The following ANKS3 variants were observed in gnomAD, a reference collection of about 807,000 sequenced individuals.
ANKS3 encodes the protein ankyrin repeat and sterile alpha motif domain containing 3, also known as ankyrin repeat and SAM domain-containing protein 3.
Under a neutral mutation model 80.7 loss-of-function variants are expected in ANKS3, and 62 were observed. The observed-to-expected ratio is 0.77, with a 90% CI of 0.63 to 0.95. The LOEUF (loss-of-function observed/expected upper bound fraction) is 0.95, where lower values mean the gene tolerates loss of function less well. ANKS3 is among the 40% of genes least tolerant of loss of function. The pLI is 0.00. For synonymous variants in ANKS3, 489 were observed against 355.3 expected, an observed-to-expected ratio of 1.38 and a Z score of -4.23; for missense variants, 1,150 against 883.6, an observed-to-expected ratio of 1.30 and a Z score of -3.82.
chr16:4,723,201 A>G (rs1461441755), intron 6 of ANKS3, among the ~76,000 whole-genome samples: 1 of 152,170 alleles, frequency 6.6e-6, no homozygotes, highest in African/African-American at 2.4e-5. Context: ...CCCACTTACA[A>G]TGTACAATTC....
intron 2 of ANKS3, among the ~76,000 whole-genome samples, chr16:4,730,507 T>C (rs9926003): frequency 6.6e-6 from 1 of 152,104 alleles, no homozygotes; most frequent in Non-Finnish European, 1.5e-5. Context: ...AAATGCTAAT[T>C]GGGTTGTTTA....
chr16:4,731,708 G>T, intron 1 of ANKS3, 129 bp from the exon 2 acceptor site: 1 of 339,774 alleles, frequency 2.9e-6, no homozygotes, highest in Non-Finnish European at 4.2e-6. Context: ...GGATGTGACT[G>T]GTGGCACGCA....
intron 9 of ANKS3, 111 bp from the exon 10 acceptor site, chr16:4,701,654 G>T: frequency 2.2e-6 from 2 of 894,496 alleles, no homozygotes; most frequent in Non-Finnish European, 3.3e-6. Context: ...GCCTGCAGCG[G>T]TTGCTTCCTT....
chr16:4,696,542 TGGCATTTTCCA>T lies in ANKS3; in HGVS notation c.*355_*365del, dbSNP rs1419871339. The T allele has an allele frequency of 5.8e-6, 1 of 171,710 alleles. No individual in the cohort carries two copies. Among genetic ancestry groups the T allele is most frequent in the African/African-American group, 2.4e-5 (1 of 41,822 alleles). The allele number at this position is 171,710 out of a possible 1,614,324, so 10.6% of individuals were successfully genotyped here. On this transcript the variant is annotated 3_prime_UTR_variant, in exon 18 of 18. Coordinates refer to ENST00000304283, the MANE Select transcript of ANKS3 (RefSeq NM_133450.4). ...TTCTTAAATTTTATTTTCCAAAAAA[TGGCATTTTCCA>T]GGTGCCCCAGTCCTCATTCCTAAGG...
chr16:4,699,219 G>A (rs201909337), intron 11 of ANKS3, 43 bp from the exon 12 acceptor site: 30 of 1,605,160 alleles, frequency 1.9e-5, no homozygotes, highest in East Asian at 1.8e-4. Context: ...AGTGGCTGAC[G>A]ACGAAGCAGA....
At chr16:4,705,296 G>C in intron 7 of ANKS3, 43 bp from the exon 8 acceptor site, 1 of 1,597,204 alleles carries the variant, frequency 6.3e-7, no homozygotes, top group Non-Finnish European at 8.5e-7. Flanking sequence ...TTCAGTAATG[G>C]ACTCATTTAC....
intron 6 of ANKS3, 148 bp downstream of exon 6, chr16:4,724,602 C>T (rs779404023): frequency 1.7e-5 from 12 of 713,624 alleles, no homozygotes; most frequent in South Asian, 3.8e-5. Context: ...CACTCAACAC[C>T]GGGCGTCAAT....
intron 6 of ANKS3, among the ~76,000 whole-genome samples, chr16:4,718,010 G>A (rs935001628): frequency 6.6e-6 from 1 of 151,986 alleles, no homozygotes; most frequent in African/African-American, 2.4e-5. Flanking sequence ...CCTGACCTCA[G>A]GTGATCCACC....
chr16:4,709,017 G>A (rs908121576), intron 7 of ANKS3, among the ~76,000 whole-genome samples: 1 of 152,006 alleles, frequency 6.6e-6, no homozygotes, highest in Non-Finnish European at 1.5e-5. Flanking sequence ...TATAATCTCA[G>A]CACTGTGGGA....
intron 1 of ANKS3, among the ~76,000 whole-genome samples, chr16:4,732,124 T>C (rs1184096159): frequency 6.6e-6 from 1 of 151,288 alleles, no homozygotes; most frequent in Non-Finnish European, 1.5e-5. Context: ...TGGTGAAGAG[T>C]GTGTGTAGGT....
chr16:4,714,095 T>A lies in ANKS3; in HGVS notation c.665A>T (p.Asp222Val). The A allele has an allele frequency of 6.2e-7, 1 of 1,614,138 alleles. No individual in the cohort carries two copies. The highest frequency in any genetic ancestry group is 8.5e-7 in the Non-Finnish European group (1 of 1,180,024). The change falls in exon 7 of 18, where the codon GAC (aspartate) becomes GTC (valine). Residue 222 changes from aspartate (D) to valine (V), a missense_variant. Coordinates refer to ENST00000304283, the MANE Select transcript of ANKS3 (RefSeq NM_133450.4). ...CTTGGGCAGAGAGGGCGAGTAAGTG[T>A]CCATCAAGGCCACGATCTTCATGTG... ...YGHMKIVALM[D>V]TYSPSLPKSL... is the part of the protein sequence containing the mutation.
chr16:4,728,860 G>A (rs2081486705), intron 3 of ANKS3, among the ~76,000 whole-genome samples: 1 of 152,212 alleles, frequency 6.6e-6, no homozygotes, highest in South Asian at 2.1e-4. Context: ...TGTGGAGGGA[G>A]CGCAACAGAC....
intron 15 of ANKS3, 79 bp from the exon 16 acceptor site, chr16:4,697,495 C>A (rs1339309702): frequency 1.7e-5 from 20 of 1,185,836 alleles, no homozygotes; most frequent in Non-Finnish European, 2.1e-5. Flanking sequence ...GCCCATGCAA[C>A]CAGGAGAACC....
intron 6 of ANKS3, among the ~76,000 whole-genome samples, chr16:4,724,355 C>CT (rs2081250901): frequency 6.6e-6 from 1 of 152,204 alleles, no homozygotes; most frequent in African/African-American, 2.4e-5. Context: ...CACATCTTTC[C>CT]ACAGCAGAGG....
intron 5 of ANKS3, among the ~76,000 whole-genome samples, chr16:4,726,162 G>C (rs2081341186): frequency 6.6e-6 from 1 of 151,662 alleles, no homozygotes; most frequent in Non-Finnish European, 1.5e-5. Context: ...ATTTTTAGTA[G>C]AGATGGGGTT....
chr16:4,696,835 C>T lies in ANKS3; in HGVS notation c.*73G>A, dbSNP rs141541311. The T allele has an allele frequency of 5.8e-4, 374 of 643,252 alleles. No individual in the cohort carries two copies. In the African/African-American group the frequency reaches 6.2e-3, roughly 11 times the overall value. 39.8% of individuals were successfully genotyped at this position (643,252 alleles called of 1,614,324 possible). ...GGGCTGCACATGGCAGCTACCTGCT[C>T]ACTGTCCTCCTCACTCCCTGGCACA... On this transcript the variant is annotated 3_prime_UTR_variant, in exon 18 of 18. Coordinates refer to ENST00000304283, the MANE Select transcript of ANKS3 (RefSeq NM_133450.4).
At chr16:4,720,148 C>A (rs1345910593) in intron 6 of ANKS3, among the ~76,000 whole-genome samples, 3 of 115,598 alleles carry the variant, frequency 2.6e-5, no homozygotes, top group South Asian at 3.0e-4. Flanking sequence ...GGGGACAGAG[C>A]AAGACCCCAC....
intron 8 of ANKS3, 32 bp downstream of exon 8, chr16:4,705,063 G>T (rs373241861): frequency 1.9e-6 from 3 of 1,606,412 alleles, no homozygotes; most frequent in East Asian, 4.5e-5. Context: ...TATGCAATGA[G>T]AAAGAGCCCT....
At chr16:4,706,294 G>A (rs1037045623) in intron 7 of ANKS3, among the ~76,000 whole-genome samples, 4 of 151,616 alleles carry the variant, frequency 2.6e-5, no homozygotes, top group South Asian at 2.1e-4. Flanking sequence ...GCAATGGTGC[G>A]ATCACGGCTC....
Sources: allele counts gnomAD v4.1 joint callset (sites outside exome capture counted in the v4.1 genomes callset), GRCh38; gene constraint gnomAD v4.1.1; transcripts MANE v1.5; gene names NCBI Gene and HGNC (gene_info 2026-07-23, HGNC 2026-07-21).